Variants in ADK observed in about 807,000 individuals in gnomAD.
ADK encodes adenosine kinase.
A neutral mutation model predicts 44.7 loss-of-function variants in ADK; 24 were observed. The ratio of observed to expected loss-of-function variants is 0.54; its 90% CI spans 0.39 to 0.76. The LOEUF (loss-of-function observed/expected upper bound fraction) is 0.76. Among genes scored for constraint, ADK ranks in the 30% least tolerant of loss-of-function variants. ADK has a pLI of 0.00. For synonymous variants in ADK, 128 were observed against 142.6 expected, an observed-to-expected ratio of 0.90 and a Z score of 0.73; for missense variants, 321 against 425.1, an observed-to-expected ratio of 0.76 and a Z score of 2.15.
At chr10:74,639,451 ACAGTGGGTTCATTCACTTTGT>A (rs1853752604) in intron 9 of ADK, among the ~76,000 whole-genome samples, 1 of 152,222 alleles carries the variant, frequency 6.6e-6, no homozygotes, top group Non-Finnish European at 1.5e-5. Flanking sequence ...ATAAACTAAC[ACAGTGGGTTCATTCACTTTGT>A]GAAACTTCAT....
At chr10:74,668,966 C>T (rs1855071275) in intron 9 of ADK, among the ~76,000 whole-genome samples, 1 of 151,322 alleles carries the variant, frequency 6.6e-6, no homozygotes, top group South Asian at 2.1e-4. Context: ...TCCCTTGAGC[C>T]CAGGAGGTCA....
chr10:74,583,379 A>G (rs889288251), intron 7 of ADK, among the ~76,000 whole-genome samples: 3 of 152,228 alleles, frequency 2.0e-5, no homozygotes, highest in African/African-American at 7.2e-5. Context: ...TCAGAATAAC[A>G]GAAGACATTG....
At chr10:74,296,692 AGC>A (rs1395048749) in intron 3 of ADK, among the ~76,000 whole-genome samples, 11 of 151,468 alleles carry the variant, frequency 7.3e-5, no homozygotes, top group African/African-American at 2.7e-4. Flanking sequence ...GCTCACTGCA[AGC>A]CCCGCCTCCC....
chr10:74,475,071 G>T (rs1229633780), intron 6 of ADK, among the ~76,000 whole-genome samples: 2 of 152,124 alleles, frequency 1.3e-5, no homozygotes, highest in East Asian at 3.9e-4. Flanking sequence ...GTTTCAGTGA[G>T]CCGAGTTCAC....
chr10:74,695,614 TGTGGG>T (rs1564856797), intron 10 of ADK, among the ~76,000 whole-genome samples: 4 of 52,290 alleles, frequency 7.6e-5, no homozygotes, highest in Admixed American at 2.1e-4. Context: ...CCTGTGTATG[TGTGGG>T]GTGTGTGTGT....
At chr10:74,361,001 T>C (rs557052976) in intron 4 of ADK, among the ~76,000 whole-genome samples, 36 of 151,832 alleles carry the variant, frequency 2.4e-4, no homozygotes, top group African/African-American at 8.2e-4. Flanking sequence ...TCCAACTCCC[T>C]GGTTCAAGCG....
intron 7 of ADK, among the ~76,000 whole-genome samples, chr10:74,537,162 C>G (rs1191571214): frequency 6.6e-6 from 1 of 152,200 alleles, no homozygotes; most frequent in Non-Finnish European, 1.5e-5. Flanking sequence ...GGTGGCATCT[C>G]ACTTTGGTTT....
chr10:74,703,271 C>A (rs985775980), intron 10 of ADK, among the ~76,000 whole-genome samples: 2 of 152,046 alleles, frequency 1.3e-5, no homozygotes, highest in Non-Finnish European at 2.9e-5. Flanking sequence ...TGCTTGAGTC[C>A]AGGAGTTCGA....
At chr10:74,226,372 G>A (rs900796527) in intron 3 of ADK, among the ~76,000 whole-genome samples, 13 of 152,186 alleles carry the variant, frequency 8.5e-5, no homozygotes, top group Admixed American at 3.3e-4. Context: ...CTCCCAAAGT[G>A]CTGGGATTAT....
At chr10:74,616,893 G>GTT (rs528894393) in intron 9 of ADK, among the ~76,000 whole-genome samples, 1 of 151,788 alleles carries the variant, frequency 6.6e-6, no homozygotes, top group African/African-American at 2.4e-5. Context: ...TTCTCAGGAT[G>GTT]TTTTTTTCTT....
At chr10:74,275,148 G>A (rs529659764) in intron 3 of ADK, among the ~76,000 whole-genome samples, 1 of 152,128 alleles carries the variant, frequency 6.6e-6, no homozygotes, top group South Asian at 2.1e-4. Context: ...AGTCTTTCTG[G>A]GCAGTAATGA....
At chr10:74,618,137 A>G (rs1852847208) in intron 9 of ADK, among the ~76,000 whole-genome samples, 1 of 149,054 alleles carries the variant, frequency 6.7e-6, no homozygotes, top group South Asian at 2.1e-4. Context: ...AATTCTGACA[A>G]TCTTCATATT....
At chr10:74,659,547 T>G (rs1426169270) in intron 9 of ADK, among the ~76,000 whole-genome samples, 1 of 152,146 alleles carries the variant, frequency 6.6e-6, no homozygotes, top group Non-Finnish European at 1.5e-5. Flanking sequence ...TCTCCTATAC[T>G]CAAAGGTCTT....
At chr10:74,629,547 G>C (rs1338746655) in intron 9 of ADK, among the ~76,000 whole-genome samples, 1 of 152,142 alleles carries the variant, frequency 6.6e-6, no homozygotes, top group African/African-American at 2.4e-5. Context: ...TTAAACCACT[G>C]CTATGTATAC....
At chr10:74,477,005 A>T (rs1264005178) in intron 6 of ADK, among the ~76,000 whole-genome samples, 1 of 152,226 alleles carries the variant, frequency 6.6e-6, no homozygotes, top group African/African-American at 2.4e-5. Context: ...TTTAAACCAG[A>T]TATTTTGGGG....
At chr10:74,184,940 A>G (rs1440264528) in intron 1 of ADK, among the ~76,000 whole-genome samples, 1 of 152,190 alleles carries the variant, frequency 6.6e-6, no homozygotes, top group Non-Finnish European at 1.5e-5. Context: ...GTACAAATGT[A>G]TATTAAATAG....
At chr10:74,298,329 A>C (rs1839887112) in intron 3 of ADK, among the ~76,000 whole-genome samples, 1 of 152,210 alleles carries the variant, frequency 6.6e-6, no homozygotes, top group Non-Finnish European at 1.5e-5. Flanking sequence ...TTTGTTAGCA[A>C]AGCAAGGAGA....
chr10:74,539,670 A>G (rs1564781294), intron 7 of ADK, among the ~76,000 whole-genome samples: 1 of 152,164 alleles, frequency 6.6e-6, no homozygotes, highest in Non-Finnish European at 1.5e-5. Context: ...AAGAAACTTT[A>G]TCGGAGGATA....
At chr10:74,187,521 T>TC in intron 1 of ADK, among the ~76,000 whole-genome samples, 1 of 151,080 alleles carries the variant, frequency 6.6e-6, no homozygotes, top group East Asian at 2.0e-4. Flanking sequence ...CACACACTCT[T>TC]TCTCTCTCTC....
Sources: allele counts gnomAD v4.1 joint callset (sites outside exome capture counted in the v4.1 genomes callset), GRCh38; gene constraint gnomAD v4.1.1; transcripts MANE v1.5; gene names NCBI Gene and HGNC (gene_info 2026-07-23, HGNC 2026-07-21).